The following ABL2 variants were observed in gnomAD, a reference collection of about 807,000 sequenced individuals.
The protein encoded by ABL2 is ABL proto-oncogene 2, non-receptor tyrosine kinase, also known as tyrosine-protein kinase ABL2.
In ABL2, 49 loss-of-function variants were observed where a neutral mutation model predicts 107.7. That is an observed-to-expected ratio of 0.45 (90% CI 0.36 to 0.58). The LOEUF (loss-of-function observed/expected upper bound fraction) is 0.58. ABL2 is among the 20% of genes least tolerant of loss of function. The probability of loss-of-function intolerance (pLI) is 0.00; values close to 1 mark genes in which losing one functional copy is unlikely to be tolerated. For synonymous variants in ABL2, 549 were observed against 548.6 expected (o/e 1.00, Z -0.01); for missense variants, 1,245 against 1,457.0 (o/e 0.85, Z 2.37).
Position 179,229,510 on chromosome 1 carries a change from G to A in ABL2, c.-113C>T. 8.3e-7 allele frequency: 1 copy of A among 1,200,244 alleles called. No individual in the cohort carries two copies. Among genetic ancestry groups the A allele is most frequent in the Non-Finnish European group, 1.1e-6 (1 of 923,080 alleles). The allele number at this position is 1,200,244 out of a possible 1,614,324, so 74.3% of individuals were successfully genotyped here. A position where few individuals can be genotyped will look rare whatever the true frequency, so the allele number is the denominator to read the frequency against. The stretch of plus-strand genomic sequence containing the variant: ...TCTCTCCCTCCCAGCCCAGGCCCTG[G>A]CCCTGAGTGGCTGGGCCACCGGCGG... On this transcript the variant is annotated 5_prime_UTR_variant, in exon 1 of 12. Transcript: ENST00000502732.
chr1:179,113,266 C>A (rs1301342133), intron 9 of ABL2, among the ~76,000 whole-genome samples: 1 of 152,160 alleles, frequency 6.6e-6, no homozygotes, highest in Non-Finnish European at 1.5e-5. Flanking sequence ...CTCCTATTCC[C>A]TCTAATAAAA....
intron 1 of ABL2, among the ~76,000 whole-genome samples, chr1:179,144,864 G>T (rs1657880928): frequency 6.6e-6 from 1 of 152,090 alleles, no homozygotes; most frequent in Non-Finnish European, 1.5e-5. Context: ...AGAAAAAAAG[G>T]TATGGGAAAG....
chr1:179,138,192 G>C (rs1415876990), intron 1 of ABL2, among the ~76,000 whole-genome samples: 2 of 152,184 alleles, frequency 1.3e-5, no homozygotes, highest in Non-Finnish European at 2.9e-5. Context: ...CAGCTCCAGA[G>C]AATGACCCAG....
At chr1:179,162,320 C>T (rs1378023856) in intron 1 of ABL2, among the ~76,000 whole-genome samples, 1 of 152,198 alleles carries the variant, frequency 6.6e-6, no homozygotes, top group Non-Finnish European at 1.5e-5. Context: ...AGAGGTGGCT[C>T]ACACCTGTAA....
At position 179,108,970 on chromosome 1, in the gene ABL2, C is replaced by T. The variant is rs1319897452; in HGVS notation, c.2297G>A (p.Gly766Asp). 1 of 1,614,094 alleles carries T rather than the reference C, an allele frequency of 6.2e-7. No individual in the cohort carries two copies. Among genetic ancestry groups the T allele is most frequent in the Non-Finnish European group, 8.5e-7 (1 of 1,180,032 alleles). The change falls in exon 12 of 12, where the codon GGT becomes GAT. Residue 766 changes from glycine (G) to aspartate (D), a missense_variant. Physicochemically the swap from Gly to Asp is moderately conservative, Grantham distance 94. This residue lies in a region of ABL2 where 761 missense variants were observed against 766.4 expected (regional missense o/e 0.99). Coordinates refer to ENST00000502732, the MANE Select transcript of ABL2 (RefSeq NM_007314.4). ...AGTGTCATCACTGGCTGTGGGTTTA[C>T]CTGCTCGTAAGCCCAGTGTCTTTTT... ...LIKKTLGLRA[G>D]KPTASDDTSK...
chr1:179,155,961 C>A (rs1239869924), intron 1 of ABL2, among the ~76,000 whole-genome samples: 1 of 151,974 alleles, frequency 6.6e-6, no homozygotes, highest in Non-Finnish European at 1.5e-5. Flanking sequence ...AAACATCTCA[C>A]CAAAAAAGAC....
At chr1:179,112,911 C>T (rs976293916) in intron 9 of ABL2, among the ~76,000 whole-genome samples, 1 of 152,142 alleles carries the variant, frequency 6.6e-6, no homozygotes, top group African/African-American at 2.4e-5. Context: ...CACGCCACCA[C>T]GTCCGGCTAA....
chr1:179,220,739 C>T (rs1274014150), intron 1 of ABL2, among the ~76,000 whole-genome samples: 2 of 152,194 alleles, frequency 1.3e-5, no homozygotes, highest in African/African-American at 2.4e-5. Flanking sequence ...TTTCTGACAG[C>T]TACATACTGC....
At chr1:179,179,748 A>T (rs1199099048) in intron 1 of ABL2, among the ~76,000 whole-genome samples, 1 of 152,160 alleles carries the variant, frequency 6.6e-6, no homozygotes, top group Non-Finnish European at 1.5e-5. Context: ...AATAAAAGCA[A>T]GTTAGCATGT....
chr1:179,099,908 C>T lies in ABL2; in HGVS notation c.*7810G>A, dbSNP rs565725020. The T allele has an allele frequency of 1.5e-4, 35 of 232,384 alleles. No homozygotes were observed. Among genetic ancestry groups the T allele is most frequent in the Middle Eastern group, 2.5e-3 (2 of 808 alleles). 14.4% of individuals were successfully genotyped at this position (232,384 alleles called of 1,614,324 possible). A position where few individuals can be genotyped will look rare whatever the true frequency, so the allele number is the denominator to read the frequency against. On this transcript the variant is annotated 3_prime_UTR_variant, in exon 12 of 12. Transcript: ENST00000502732. Reference sequence around the variant, plus strand: ...GAGTATACATCAACAGCTAAGTCAGCCTGTTCACAGTCAACACACCAACCA... The same window carrying T: ...GAGTATACATCAACAGCTAAGTCAGTCTGTTCACAGTCAACACACCAACCA...
chr1:179,132,888 T>C (rs138428639), intron 2 of ABL2, among the ~76,000 whole-genome samples: 2,196 of 143,872 alleles, frequency 0.015, 55 homozygotes, highest in African/African-American at 0.053. Flanking sequence ...AGATGGAGTC[T>C]TGTTTTGTTG....
chr1:179,175,591 T>C (rs1021914593), intron 1 of ABL2, among the ~76,000 whole-genome samples: 2 of 152,246 alleles, frequency 1.3e-5, no homozygotes, highest in South Asian at 2.1e-4. Context: ...CGGGGTAGGA[T>C]AGTGGGGGAA....
rs147435995 is a variant in ABL2, at chr1:179,109,003, C to G, written c.2264G>C (p.Arg755Pro). ...TAAGCCCAGTGTCTTTTTGATTAAG[C>G]GTGGTGTAAAGAAGCCTGTGATGCC... is the stretch of plus-strand genomic sequence containing the variant. ...WSGITGFFTP[R>P]LIKKTLGLRA... Residue 755 changes from arginine to proline, a missense_variant, in exon 12 of 12, where the codon CGC (arginine) becomes CCC (proline). Transcript: ENST00000502732. 1 of 1,614,028 alleles carries G rather than the reference C, an allele frequency of 6.2e-7. No homozygotes were observed. Among genetic ancestry groups the G allele is most frequent in the Non-Finnish European group, 8.5e-7 (1 of 1,180,024 alleles).
chr1:179,109,052 C>G lies in ABL2; in HGVS notation c.2215G>C (p.Gly739Arg), dbSNP rs754367934. The G allele has an allele frequency of 7.2e-7, 1 of 1,397,654 alleles. No homozygotes were observed. The highest frequency in any genetic ancestry group is 1.2e-5 in the South Asian group (1 of 85,170). 86.6% of individuals were successfully genotyped at this position (1,397,654 alleles called of 1,614,324 possible). The part of the protein sequence containing the change: ...NDDGGGGGGS[G>R]TAGGGWSGIT... ...CCAGACCACCCACCCCCAGCAGTGC[C>G]ACTGCCCCCACCCCCACCACCGTCG... Residue 739 changes from glycine (G) to arginine (R), a missense_variant, in exon 12 of 12, where the codon GGC (glycine) becomes CGC (arginine). By Grantham distance (125) the Gly-to-Arg change is moderately radical. Coordinates refer to ENST00000502732, the MANE Select transcript of ABL2 (RefSeq NM_007314.4).
At chr1:179,162,575 ACT>A (rs142734437) in intron 1 of ABL2, among the ~76,000 whole-genome samples, 2,390 of 152,172 alleles carry the variant, frequency 0.016, 69 homozygotes, top group African/African-American at 0.056. Context: ...ACAGAGCGAG[ACT>A]CTGTTTTTAA....
At chr1:179,117,937 GGCGAAACCCA>G (rs1000648763) in intron 7 of ABL2, among the ~76,000 whole-genome samples, 12 of 150,578 alleles carry the variant, frequency 8.0e-5, no homozygotes, top group African/African-American at 2.9e-4. Flanking sequence ...GGGGCAACAT[GGCGAAACCCA>G]GTCTACAAAA....
At chr1:179,118,535 T>G (rs1425404549) in intron 7 of ABL2, 52 bp downstream of exon 7, 14 of 1,544,730 alleles carry the variant, frequency 9.1e-6, no homozygotes, top group Non-Finnish European at 1.2e-5. Flanking sequence ...TCCTTTTATC[T>G]GCATGTCAAG....
At chr1:179,201,849 A>G (rs1345956957) in intron 1 of ABL2, 6 of 1,290,502 alleles carry the variant, frequency 4.6e-6, no homozygotes, top group African/African-American at 1.5e-5. Context: ...AGAAGACAAA[A>G]GGACTCTTTG....
At chr1:179,228,393 G>T (rs1023092795) in intron 1 of ABL2, among the ~76,000 whole-genome samples, 1 of 151,976 alleles carries the variant, frequency 6.6e-6, no homozygotes, top group East Asian at 1.9e-4. Context: ...GACAAAAAAA[G>T]TTTGGAGACA....
Sources: gnomAD v4.1 joint callset for allele counts (sites outside exome capture counted in the v4.1 genomes callset) on GRCh38, gnomAD v4.1.1 for gene constraint, gnomAD v4.1.1 regional missense constraint, MANE v1.5 for transcripts, NCBI Gene and HGNC (gene_info 2026-07-23, HGNC 2026-07-21) for gene names.